The following CACNA2D3 variants were observed in gnomAD, a reference collection of about 807,000 sequenced individuals.
CACNA2D3 encodes voltage-dependent calcium channel subunit alpha-2/delta-3.
A neutral mutation model predicts 160.6 loss-of-function variants in CACNA2D3; 60 were observed. The ratio of observed to expected loss-of-function variants is 0.37; its 90% CI spans 0.30 to 0.46. CACNA2D3 has a LOEUF of 0.46. Among genes scored for constraint, CACNA2D3 ranks in the 20% least tolerant of loss-of-function variants. CACNA2D3 has a pLI of 1.00. For synonymous variants in CACNA2D3, 558 were observed against 492.9 expected (o/e 1.13, Z -1.75); for missense variants, 1,205 against 1,365.0 (o/e 0.88, Z 1.85).
chr3:54,456,072 C>A (rs1559485697), intron 4 of CACNA2D3, among the ~76,000 whole-genome samples: 1 of 152,042 alleles, frequency 6.6e-6, no homozygotes, highest in African/African-American at 2.4e-5. Context: ...GATTTATTTT[C>A]TGTTTCTGTG....
At chr3:54,600,108 C>T (rs1158941080) in intron 9 of CACNA2D3, among the ~76,000 whole-genome samples, 2 of 152,286 alleles carry the variant, frequency 1.3e-5, no homozygotes, top group South Asian at 2.1e-4. Context: ...CTTGCCAGAA[C>T]GTTGCCAGTT....
intron 35 of CACNA2D3, among the ~76,000 whole-genome samples, chr3:55,033,675 A>G (rs1291268557): frequency 8.6e-6 from 1 of 115,700 alleles, no homozygotes; most frequent in Admixed American, 1.1e-4. Flanking sequence ...TATAAAATAT[A>G]AATGTGTATA....
chr3:54,730,097 A>C (rs1349021861), intron 11 of CACNA2D3, among the ~76,000 whole-genome samples: 1 of 152,194 alleles, frequency 6.6e-6, no homozygotes, highest in Non-Finnish European at 1.5e-5. Context: ...GAAGTTTAGA[A>C]AGCCATAGTC....
chr3:54,325,846 A>G (rs560655886), intron 3 of CACNA2D3, among the ~76,000 whole-genome samples: 1 of 152,292 alleles, frequency 6.6e-6, no homozygotes, highest in East Asian at 1.9e-4. Flanking sequence ...TGAAACTCAC[A>G]CCTGTAAATA....
intron 25 of CACNA2D3, among the ~76,000 whole-genome samples, chr3:54,892,474 GATCA>G (rs1700092268): frequency 6.6e-6 from 1 of 152,200 alleles, no homozygotes; most frequent in African/African-American, 2.4e-5. Context: ...GTAAATGACA[GATCA>G]ATCAATGTTT....
intron 16 of CACNA2D3, among the ~76,000 whole-genome samples, chr3:54,841,238 G>A (rs1417901732): frequency 2.6e-5 from 4 of 152,044 alleles, no homozygotes; most frequent in Admixed American, 6.6e-5. Context: ...GGGACCCTTC[G>A]GCCTCATTTT....
At chr3:54,857,693 G>C (rs7653678) in intron 17 of CACNA2D3, among the ~76,000 whole-genome samples, 1,859 of 152,322 alleles carry the variant, frequency 0.012, 38 homozygotes, top group African/African-American at 0.04. Context: ...ACTTCTGAGA[G>C]AATTCAAGCC....
At chr3:54,788,720 C>T (rs912964793) in intron 13 of CACNA2D3, among the ~76,000 whole-genome samples, 41 of 152,234 alleles carry the variant, frequency 2.7e-4, no homozygotes, top group African/African-American at 8.7e-4. Context: ...TTTCTGGGTC[C>T]AAGTTTCTCT....
At chr3:54,550,608 G>C (rs1268677860) in intron 5 of CACNA2D3, among the ~76,000 whole-genome samples, 1 of 152,192 alleles carries the variant, frequency 6.6e-6, no homozygotes. Context: ...GTTTCAACAG[G>C]GAAATCAGTT....
intron 35 of CACNA2D3, among the ~76,000 whole-genome samples, chr3:55,067,140 G>A (rs551177814): frequency 1.3e-5 from 2 of 151,792 alleles, no homozygotes; most frequent in African/African-American, 4.8e-5. Flanking sequence ...CTGCTTTCAG[G>A]GCTTTTCAAC....
chr3:54,350,986 G>GTTTTTTT lies in CACNA2D3; in HGVS notation c.321+30442_321+30448dup, dbSNP rs796392854. On this transcript the variant is annotated intron_variant, in intron 3 of 37. Transcript: ENST00000474759. ...TGAGTCTGTTTTTTTTTTTTTGTTT[G>GTTTTTTT]TTTTTTTTTTTTTTTTTTTTGAGAC... 5.6e-4 allele frequency among the ~76,000 whole-genome samples: 37 copies of GTTTTTTT among 65,936 alleles called. 1 individual carries two copies. The highest frequency in any genetic ancestry group is 8.0e-4 in the Admixed American group (4 of 4,988). The allele number at this position is 65,936 out of a possible 152,430, so 43.3% of individuals were successfully genotyped here. A position where few individuals can be genotyped will look rare whatever the true frequency, so the allele number is the denominator to read the frequency against.
intron 27 of CACNA2D3, among the ~76,000 whole-genome samples, chr3:54,940,266 C>T (rs950331708): frequency 1.3e-5 from 2 of 152,276 alleles, no homozygotes; most frequent in South Asian, 4.1e-4. Context: ...TTCTACTTAT[C>T]CTTGAGAAAG....
chr3:54,591,560 GAA>G (rs1702858898), intron 9 of CACNA2D3, among the ~76,000 whole-genome samples: 1 of 116,186 alleles, frequency 8.6e-6, no homozygotes, highest in Non-Finnish European at 1.7e-5. Flanking sequence ...GACTGTGGTT[GAA>G]AAAAGTTTTT....
chr3:54,601,717 CTTGGATTTGT>C (rs1001501348), intron 9 of CACNA2D3, among the ~76,000 whole-genome samples: 2 of 151,748 alleles, frequency 1.3e-5, no homozygotes, highest in South Asian at 2.1e-4. Flanking sequence ...AGCAATTCTG[CTTGGATTTGT>C]TTGAATGTCA....
At chr3:54,963,023 G>A (rs891634243) in intron 27 of CACNA2D3, among the ~76,000 whole-genome samples, 1 of 152,116 alleles carries the variant, frequency 6.6e-6, no homozygotes, top group Non-Finnish European at 1.5e-5. Flanking sequence ...CTATTAACAT[G>A]ATATGAGATG....
chr3:54,598,603 C>A (rs2106768868), intron 9 of CACNA2D3, among the ~76,000 whole-genome samples: 1 of 152,264 alleles, frequency 6.6e-6, no homozygotes, highest in Non-Finnish European at 1.5e-5. Context: ...GGACATCTCT[C>A]CCAGGAAGAT....
intron 13 of CACNA2D3, among the ~76,000 whole-genome samples, chr3:54,813,863 CTT>C (rs10699574): frequency 1.6e-4 from 20 of 121,534 alleles, no homozygotes; most frequent in Non-Finnish European, 2.0e-4. Flanking sequence ...TTATAATATT[CTT>C]TTTTTTTTTT....
chr3:54,684,206 C>A (rs914933334), intron 11 of CACNA2D3, among the ~76,000 whole-genome samples: 1 of 151,976 alleles, frequency 6.6e-6, no homozygotes, highest in African/African-American at 2.4e-5. Context: ...GTAATCTGCC[C>A]GTCTTGGCCT....
At chr3:54,452,533 A>G (rs1267091527) in intron 4 of CACNA2D3, among the ~76,000 whole-genome samples, 2 of 152,204 alleles carry the variant, frequency 1.3e-5, no homozygotes, top group African/African-American at 2.4e-5. Flanking sequence ...TATTTCTCCC[A>G]GCAGTCTCTT....
Sources: allele counts gnomAD v4.1 joint callset (sites outside exome capture counted in the v4.1 genomes callset), GRCh38; gene constraint gnomAD v4.1.1; transcripts MANE v1.5; gene names NCBI Gene and HGNC (gene_info 2026-07-23, HGNC 2026-07-21).